The following ACKR2 variants were observed in gnomAD, a reference collection of about 807,000 sequenced individuals.
ACKR2 encodes the protein atypical chemokine receptor 2, also known as C-C chemokine receptor D6.
For missense variants in ACKR2, 457 were observed against 477.3 expected (o/e 0.96, Z 0.40); for synonymous variants, 207 against 192.2 (o/e 1.08, Z -0.64).
At chr3:42,850,190 G>A (rs989836915) in intron 2 of ACKR2, among the ~76,000 whole-genome samples, 7 of 152,060 alleles carry the variant, frequency 4.6e-5, no homozygotes, top group Admixed American at 6.5e-5. Flanking sequence ...AAACTTGGAG[G>A]CCTCACTTGA....
chr3:42,809,811 G>A (rs1463647694), intron 1 of ACKR2, among the ~76,000 whole-genome samples: 3 of 151,666 alleles, frequency 2.0e-5, no homozygotes, highest in East Asian at 1.9e-4. Context: ...GCAGTGACCC[G>A]AGATCGCGCC....
intron 2 of ACKR2, among the ~76,000 whole-genome samples, chr3:42,837,980 C>A (rs1444508552): frequency 2.0e-5 from 3 of 152,074 alleles, no homozygotes; most frequent in Non-Finnish European, 4.4e-5. Context: ...ACTGAAGATA[C>A]ATAAATTTAT....
At chr3:42,842,585 G>T (rs1701049966) in intron 2 of ACKR2, among the ~76,000 whole-genome samples, 1 of 152,154 alleles carries the variant, frequency 6.6e-6, no homozygotes, top group Non-Finnish European at 1.5e-5. Flanking sequence ...GACAGCAAAT[G>T]CACAGTGTTT....
chr3:42,822,112 ATATT>A (rs1700814660), intron 2 of ACKR2, among the ~76,000 whole-genome samples: 1 of 151,922 alleles, frequency 6.6e-6, no homozygotes, highest in African/African-American at 2.4e-5. Context: ...GTTTACATCT[ATATT>A]TATTTATATG....
intron 2 of ACKR2, among the ~76,000 whole-genome samples, chr3:42,827,901 T>C (rs1047569570): frequency 6.6e-6 from 1 of 152,168 alleles, no homozygotes; most frequent in Middle Eastern, 3.4e-3. Flanking sequence ...GGTTGTTTGC[T>C]AACTTTGGGC....
In ACKR2 at chr3:42,852,415, G is replaced by A. The variant is rs1235846544; in HGVS notation, c.-37-12051G>A. On this transcript the variant is annotated intron_variant, in intron 2 of 2. Transcript: ENST00000422265. The surrounding 1 kb of genome is among the most constrained non-coding windows in gnomAD (Gnocchi z 4.3). ...CTCCTTGAAGGGTCGGGCTCTGAAA[G>A]TGCTTACTTTTTGTTAGCTGAAATA... 1 of 152,196 alleles carries A rather than the reference G, an allele frequency of 6.6e-6. No homozygotes were observed. The highest frequency in any genetic ancestry group is 1.5e-5 in the Non-Finnish European group (1 of 68,050). 9.4% of individuals were successfully genotyped at this position (152,196 alleles called of 1,614,324 possible). A position where few individuals can be genotyped will look rare whatever the true frequency, so the allele number is the denominator to read the frequency against.
At chr3:42,828,092 A>ATTTTTTTTTTTTTTTT (rs71072742) in intron 2 of ACKR2, among the ~76,000 whole-genome samples, 2 of 121,898 alleles carry the variant, frequency 1.6e-5, no homozygotes, top group Admixed American at 8.0e-5. Context: ...ATATATATAT[A>ATTTTTTTTTTTTTTTT]TTTTTTTTTT....
chr3:42,816,959 C>T (rs898745465), intron 1 of ACKR2, among the ~76,000 whole-genome samples: 2 of 152,108 alleles, frequency 1.3e-5, no homozygotes, highest in East Asian at 1.9e-4. Flanking sequence ...GCTTTGGGCC[C>T]CTGGATTGCT....
rs548565486 is a variant in ACKR2 at position 42,824,477 on chromosome 3, A to G, written c.-38+4766A>G. ...ATCAGAACATTTTTCATCATGCCAA[A>G]CATGAGTGACACACATTAGCTGTCA... On this transcript the variant is annotated intron_variant, in intron 2 of 2. Transcript: ENST00000422265. Among the ~76,000 whole-genome samples the G allele has an allele frequency of 1.6e-4, 25 of 152,312 alleles. No homozygotes were observed. In the South Asian group the frequency reaches 5.0e-3, roughly 30 times the overall value.
chr3:42,811,109 C>G (rs1012620808), intron 1 of ACKR2, among the ~76,000 whole-genome samples: 3 of 152,318 alleles, frequency 2.0e-5, no homozygotes, highest in South Asian at 2.1e-4. Flanking sequence ...CTCAGCCTCC[C>G]AAAGTGCCTG....
At chr3:42,853,928 G>C (rs1701190297) in intron 2 of ACKR2, among the ~76,000 whole-genome samples, 1 of 152,184 alleles carries the variant, frequency 6.6e-6, no homozygotes, top group South Asian at 2.1e-4. Flanking sequence ...ATCACATTCA[G>C]TCTTGTTTAT....
chr3:42,824,434 C>T (rs1010674943), intron 2 of ACKR2, among the ~76,000 whole-genome samples: 3 of 152,158 alleles, frequency 2.0e-5, no homozygotes, highest in Non-Finnish European at 2.9e-5. Flanking sequence ...AAGTTGCACA[C>T]TCATCACACT....
rs200319036 is a variant in ACKR2 at position 42,864,479 on chromosome 3, C to T, written c.-24C>T. ...TTCCCCCCGCAGCACTACAGGACGT[C>T]GGGACTGGGCATTTCCTTCCAACAT... On this transcript the variant is annotated 5_prime_UTR_variant, in exon 3 of 3. Coordinates refer to ENST00000422265, the MANE Select transcript of ACKR2 (RefSeq NM_001296.5). 120 of 1,570,758 alleles carry T rather than the reference C, an allele frequency of 7.6e-5. No homozygotes were observed. In the African/African-American group the frequency reaches 1.3e-3, roughly 17 times the overall value.
intron 1 of ACKR2, among the ~76,000 whole-genome samples, chr3:42,815,737 G>A (rs987169761): frequency 1.3e-5 from 2 of 152,160 alleles, no homozygotes; most frequent in African/African-American, 4.8e-5. Context: ...CATCATATCC[G>A]ACCATGTTCT....
At chr3:42,835,921 A>G (rs4682862) in intron 2 of ACKR2, 67,446 of 151,860 alleles carry the variant, frequency 0.44, 15,454 homozygotes, top group East Asian at 0.64. Flanking sequence ...GCATCTTACT[A>G]TGGGGTACAG....
Position 42,852,908 on chromosome 3 carries a change from G to A in ACKR2, c.-37-11558G>A, listed in dbSNP as rs188767089. Among the ~76,000 whole-genome samples, 157 of 151,952 alleles carry A rather than the reference G, an allele frequency of 1.0e-3. 2 individuals carry two copies. Among genetic ancestry groups the A allele is most frequent in the Admixed American group, 3.1e-3 (48 of 15,268 alleles). On this transcript the variant is annotated intron_variant, in intron 2 of 2. Coordinates refer to ENST00000422265, the MANE Select transcript of ACKR2 (RefSeq NM_001296.5). The surrounding 1 kb of genome is among the most constrained non-coding windows in gnomAD (Gnocchi z 4.3). ...AGGAGAGAGAGTGTGCCGTGATCTG[G>A]AATCAGAGGCCAGCTGATTCCTCTG...
At chr3:42,821,175 C>T (rs946098299) in intron 2 of ACKR2, among the ~76,000 whole-genome samples, 4 of 152,194 alleles carry the variant, frequency 2.6e-5, no homozygotes, top group Non-Finnish European at 5.9e-5. Context: ...CAGGCGTGAG[C>T]CACCATGCCT....
intron 1 of ACKR2, among the ~76,000 whole-genome samples, chr3:42,812,622 T>C (rs1700707087): frequency 6.6e-6 from 1 of 151,074 alleles, no homozygotes; most frequent in African/African-American, 2.4e-5. Context: ...GACCTCTTAG[T>C]ATTCCATGCA....
Position 42,822,501 on chromosome 3 carries a change from G to A in ACKR2, c.-38+2790G>A, listed in dbSNP as rs139884985. 4.0e-3 allele frequency among the ~76,000 whole-genome samples: 609 copies of A among 152,126 alleles called. 5 individuals carry two copies. The highest frequency in any genetic ancestry group is 0.013 in the African/African-American group (558 of 41,496). ...AGCATTTTGCTTTGTATTCTGTGTA[G>A]CCTCAACTTCCCAGGGCCCACTAAC... On this transcript the variant is annotated intron_variant, in intron 2 of 2. Coordinates refer to ENST00000422265, the MANE Select transcript of ACKR2 (RefSeq NM_001296.5).
Sources: gnomAD v4.1 joint callset for allele counts (sites outside exome capture counted in the v4.1 genomes callset) on GRCh38, gnomAD v4.1.1 for gene constraint, Gnocchi (gnomAD v3.1) non-coding constraint, MANE v1.5 for transcripts, NCBI Gene and HGNC (gene_info 2026-07-23, HGNC 2026-07-21) for gene names.